Variants in CFAP161 observed in about 807,000 individuals in gnomAD.
CFAP161 encodes cilia- and flagella-associated protein 161.
Under a neutral mutation model 29.0 loss-of-function variants are expected in CFAP161, and 25 were observed. The ratio of observed to expected loss-of-function variants is 0.86; its 90% confidence interval spans 0.63 to 1.20. The LOEUF is 1.20. CFAP161 is among the 50% of genes most tolerant of loss of function. The pLI is 0.00. For synonymous variants in CFAP161, 116 were observed against 137.4 expected (o/e 0.84, Z 1.09); for missense variants, 367 against 371.9 (o/e 0.99, Z 0.11).
At chr15:81,142,881 C>G (rs1003241740) in intron 4 of CFAP161, among the ~76,000 whole-genome samples, 9 of 152,166 alleles carry the variant, frequency 5.9e-5, no homozygotes, top group African/African-American at 2.2e-4. Flanking sequence ...ACATAAATTT[C>G]CAGCATGGAC....
At chr15:81,104,887 A>C (rs907675850) in intron 1 of CFAP161, among the ~76,000 whole-genome samples, 2 of 152,144 alleles carry the variant, frequency 1.3e-5, no homozygotes, top group Admixed American at 6.5e-5. Flanking sequence ...AATTGCCACA[A>C]ACTTGGTGGG....
chr15:81,114,724 C>T (rs1210685229), intron 1 of CFAP161, among the ~76,000 whole-genome samples: 1 of 152,108 alleles, frequency 6.6e-6, no homozygotes, highest in Non-Finnish European at 1.5e-5. Flanking sequence ...AGTGCAGTGG[C>T]GCGATCTCGG....
chr15:81,148,321 A>C lies in CFAP161; in HGVS notation c.711-17A>C. The C allele has an allele frequency of 6.3e-7, 1 of 1,595,860 alleles. No homozygotes were observed. Among genetic ancestry groups the C allele is most frequent in the Non-Finnish European group, 8.6e-7 (1 of 1,165,410 alleles). On this transcript the variant is annotated splice_polypyrimidine_tract_variant and intron_variant, in intron 6 of 6. Coordinates refer to ENST00000286732, the MANE Select transcript of CFAP161 (RefSeq NM_173528.4). ...GTTATTCAATTTCAAACCACAACTG[A>C]TTCTCTCTTGCTCCAGCACCTATTT...
chr15:81,132,532 TTTC>T (rs1372450542), upstream of CFAP161, among the ~76,000 whole-genome samples: 2 of 152,184 alleles, frequency 1.3e-5, no homozygotes, highest in African/African-American at 2.4e-5. Flanking sequence ...AATAAAGATA[TTTC>T]TTCTCCTGAG....
Position 81,149,020 on chromosome 15 carries a change from G to C in CFAP161, c.*487G>C, listed in dbSNP as rs1895063624. 6.6e-6 allele frequency: 1 copy of C among 152,214 alleles called. No homozygotes were observed. Among genetic ancestry groups the C allele is most frequent in the African/African-American group, 2.4e-5 (1 of 41,388 alleles). The allele number at this position is 152,214 out of a possible 1,614,324, so 9.4% of individuals were successfully genotyped here. ...ACATCCTATTTTTGTTTCTACCTTT[G>C]GCTTTCCAGGTCAGGACCTCTACCT... On this transcript the variant is annotated 3_prime_UTR_variant, in exon 7 of 7. Transcript: ENST00000286732.
chr15:81,143,550 G>C, intron 4 of CFAP161, 112 bp from the exon 5 acceptor site: 1 of 1,227,756 alleles, frequency 8.1e-7, no homozygotes, highest in Non-Finnish European at 1.1e-6. Context: ...TAAGAACAGA[G>C]TTTTTGAGAA....
chr15:81,143,120 T>G (rs983460917), intron 4 of CFAP161, among the ~76,000 whole-genome samples: 1 of 151,748 alleles, frequency 6.6e-6, no homozygotes, highest in Admixed American at 6.6e-5. Flanking sequence ...CAAGACCAGC[T>G]TGGGAAACAG....
upstream of CFAP161, among the ~76,000 whole-genome samples, chr15:81,131,814 G>T (rs771207152): frequency 1.3e-5 from 2 of 151,924 alleles, no homozygotes; most frequent in South Asian, 2.1e-4. Context: ...GATGAAAAGA[G>T]CATTAATTTA....
intron 1 of CFAP161, among the ~76,000 whole-genome samples, chr15:81,122,632 C>T (rs1469057699): frequency 1.3e-5 from 2 of 151,926 alleles, no homozygotes; most frequent in Non-Finnish European, 2.9e-5. Context: ...GCTGGGATTA[C>T]AGGCACGCAT....
At chr15:81,133,204 TATATATATATATATATA>T (rs1409170239), upstream of CFAP161, among the ~76,000 whole-genome samples, 136 of 67,124 alleles carry the variant, frequency 2.0e-3, 3 homozygotes, top group African/African-American at 5.2e-3. Flanking sequence ...TATATATATA[TATATATATATATATATA>T]TATGTATTTT....
intron 1 of CFAP161, among the ~76,000 whole-genome samples, chr15:81,114,006 C>T (rs756693361): frequency 6.6e-6 from 1 of 152,176 alleles, no homozygotes; most frequent in African/African-American, 2.4e-5. Flanking sequence ...GTTTTAGGAG[C>T]TCTGTGCCAA....
At chr15:81,124,345 C>G (rs2683243) in intron 1 of CFAP161, among the ~76,000 whole-genome samples, 2 of 151,986 alleles carry the variant, frequency 1.3e-5, no homozygotes, top group South Asian at 4.1e-4. Flanking sequence ...ACCAACATTA[C>G]ATCCTGGGGA....
At chr15:81,125,057 A>G (rs1240551324) in intron 1 of CFAP161, among the ~76,000 whole-genome samples, 1 of 151,708 alleles carries the variant, frequency 6.6e-6, no homozygotes, top group East Asian at 1.9e-4. Context: ...TTAACATAAC[A>G]TAACTTTAAG....
At chr15:81,142,760 A>G (rs1472137517) in intron 4 of CFAP161, among the ~76,000 whole-genome samples, 1 of 152,216 alleles carries the variant, frequency 6.6e-6, no homozygotes, top group East Asian at 1.9e-4. Context: ...AACTACCTCC[A>G]CATTCAGGGC....
intron 1 of CFAP161, among the ~76,000 whole-genome samples, chr15:81,114,176 G>T (rs1405696752): frequency 3.9e-5 from 6 of 152,150 alleles, no homozygotes; most frequent in Admixed American, 6.5e-5. Context: ...ACGTGGGTTT[G>T]TTTCCAGACT....
intron 2 of CFAP161, 35 bp from the exon 3 acceptor site, chr15:81,136,481 A>G (rs539826859): frequency 6.3e-7 from 1 of 1,582,176 alleles, no homozygotes; most frequent in South Asian, 1.1e-5. Flanking sequence ...GAGGAATTGC[A>G]TGGTTTATGT....
intron 6 of CFAP161, 125 bp downstream of exon 6, chr15:81,148,056 C>T (rs761975305): frequency 1.6e-4 from 128 of 776,854 alleles, no homozygotes; most frequent in Non-Finnish European, 2.3e-4. Flanking sequence ...GATGAAATAC[C>T]GCCACATAGA....
At chr15:81,133,205 ATATATATATATATATATATGTATT>A (rs1248003326), upstream of CFAP161, among the ~76,000 whole-genome samples, 16 of 52,966 alleles carry the variant, frequency 3.0e-4, no homozygotes, top group East Asian at 2.2e-3. Flanking sequence ...ATATATATAT[ATATATATATATATATATATGTATT>A]TTTTTTTAAA....
intron 1 of CFAP161, 24 bp downstream of exon 1, chr15:81,134,422 A>T: frequency 6.4e-7 from 1 of 1,568,008 alleles, no homozygotes; most frequent in Non-Finnish European, 8.7e-7. Context: ...GGCCAGGCGC[A>T]GACCCGCAGC....
Sources: allele counts gnomAD v4.1 joint callset (sites outside exome capture counted in the v4.1 genomes callset), GRCh38; gene constraint gnomAD v4.1.1; transcripts MANE v1.5; gene names NCBI Gene and HGNC (gene_info 2026-07-23, HGNC 2026-07-21).